Variants in GALNT13 observed in about 807,000 individuals in gnomAD.
The protein encoded by GALNT13 is UDP-GalNAc:polypeptide N-acetylgalactosaminyltransferase 13.
In GALNT13, 28 loss-of-function variants were observed where a neutral mutation model predicts 64.2. The observed-to-expected ratio is 0.44, with a 90% CI of 0.32 to 0.60. GALNT13 has a LOEUF of 0.60. GALNT13 is among the 20% of genes least tolerant of loss of function. The pLI is 0.05. For missense variants in GALNT13, 577 were observed against 669.8 expected, an observed-to-expected ratio of 0.86 and a Z score of 1.53; for synonymous variants, 214 against 224.6, an observed-to-expected ratio of 0.95 and a Z score of 0.42.
the GALNT13 span, among the ~76,000 whole-genome samples, chr2:153,525,690 A>G: frequency 6.6e-6 from 1 of 152,164 alleles, no homozygotes; most frequent in Non-Finnish European, 1.5e-5. Context: ...GTTCCATGAA[A>G]CATCCCTAGT....
At chr2:154,447,744 C>A (rs773210417) in intron 12 of GALNT13, among the ~76,000 whole-genome samples, 4 of 151,834 alleles carry the variant, frequency 2.6e-5, no homozygotes, top group Non-Finnish European at 5.9e-5. Context: ...TATATTCAAG[C>A]CAAAGACATT....
intron 3 of GALNT13, among the ~76,000 whole-genome samples, chr2:154,074,023 G>C (rs994419670): frequency 3.3e-5 from 5 of 151,770 alleles, no homozygotes; most frequent in African/African-American, 1.2e-4. Context: ...AATATTTTAT[G>C]TATATTAATG....
intron 2 of GALNT13, among the ~76,000 whole-genome samples, chr2:153,906,909 T>C (rs1365624329): frequency 6.6e-6 from 1 of 150,414 alleles, no homozygotes; most frequent in South Asian, 2.1e-4. Flanking sequence ...CAGCACCTGT[T>C]GTTTCCTGAC....
At chr2:153,188,704 A>G in the GALNT13 span, among the ~76,000 whole-genome samples, 2 of 152,162 alleles carry the variant, frequency 1.3e-5, no homozygotes, top group South Asian at 2.1e-4. Context: ...TGGATAGCAG[A>G]GAGAGGCCAG....
At chr2:153,093,236 C>T in the GALNT13 span, among the ~76,000 whole-genome samples, 14 of 128,986 alleles carry the variant, frequency 1.1e-4, no homozygotes, top group South Asian at 2.5e-4. Flanking sequence ...TTTTTCTTTT[C>T]TTTTCTTTTT....
At chr2:154,425,250 A>C (rs1212313283) in intron 11 of GALNT13, among the ~76,000 whole-genome samples, 4 of 152,226 alleles carry the variant, frequency 2.6e-5, no homozygotes, top group African/African-American at 9.6e-5. Context: ...ATGAAATGTT[A>C]CAAAAACACC....
At chr2:153,606,237 G>A in the GALNT13 span, among the ~76,000 whole-genome samples, 3 of 151,936 alleles carry the variant, frequency 2.0e-5, no homozygotes, top group Non-Finnish European at 2.9e-5. Context: ...GTGTACATAC[G>A]TATATACACA....
At chr2:153,477,450 G>C in the GALNT13 span, 1 of 152,540 alleles carries the variant, frequency 6.6e-6, no homozygotes, top group South Asian at 2.1e-4. Flanking sequence ...GTGCAGTCAC[G>C]AGCTACGAGT....
intron 2 of GALNT13, among the ~76,000 whole-genome samples, chr2:153,921,830 T>C (rs1471960209): frequency 6.6e-6 from 1 of 151,894 alleles, no homozygotes; most frequent in African/African-American, 2.4e-5. Flanking sequence ...GCAGAGCCAA[T>C]TAAAAACTGA....
At chr2:153,325,124 T>G in the GALNT13 span, among the ~76,000 whole-genome samples, 3 of 144,898 alleles carry the variant, frequency 2.1e-5, no homozygotes, top group Non-Finnish European at 4.5e-5. Flanking sequence ...GTTTTTTTTT[T>G]TTTTTTTTTT....
At chr2:153,569,514 T>C in the GALNT13 span, among the ~76,000 whole-genome samples, 1 of 71,836 alleles carries the variant, frequency 1.4e-5, no homozygotes, top group South Asian at 3.0e-4. Flanking sequence ...TTCCTTTTTA[T>C]TCTTTTTTTT....
At chr2:154,343,276 C>G (rs1246225871) in intron 9 of GALNT13, among the ~76,000 whole-genome samples, 1 of 151,960 alleles carries the variant, frequency 6.6e-6, no homozygotes, top group Non-Finnish European at 1.5e-5. Flanking sequence ...GGAATTGTTA[C>G]CTGCCTCAAG....
the GALNT13 span, among the ~76,000 whole-genome samples, chr2:153,703,174 G>C: frequency 6.6e-6 from 1 of 152,112 alleles, no homozygotes; most frequent in Non-Finnish European, 1.5e-5. Context: ...GTATGAAATG[G>C]TCTGAGTTAA....
chr2:153,290,851 T>C, the GALNT13 span, among the ~76,000 whole-genome samples: 4 of 152,190 alleles, frequency 2.6e-5, no homozygotes, highest in African/African-American at 9.7e-5. Context: ...TATTCAGTGT[T>C]GCCCATTTGT....
At chr2:153,565,355 T>G in the GALNT13 span, among the ~76,000 whole-genome samples, 1 of 152,158 alleles carries the variant, frequency 6.6e-6, no homozygotes, top group African/African-American at 2.4e-5. Context: ...CCAAATACGT[T>G]AAAAAATGAC....
the GALNT13 span, among the ~76,000 whole-genome samples, chr2:153,594,320 A>G: frequency 6.6e-6 from 1 of 152,142 alleles, no homozygotes; most frequent in Admixed American, 6.5e-5. Flanking sequence ...TTACATTTTG[A>G]TTAAAAATTC....
At chr2:154,230,673 T>G (rs1688866701) in intron 4 of GALNT13, among the ~76,000 whole-genome samples, 1 of 152,100 alleles carries the variant, frequency 6.6e-6, no homozygotes, top group Non-Finnish European at 1.5e-5. Context: ...ATTCATGACA[T>G]TTTATTTTTA....
At chr2:153,229,209 C>A in the GALNT13 span, among the ~76,000 whole-genome samples, 1 of 152,256 alleles carries the variant, frequency 6.6e-6, no homozygotes, top group Admixed American at 6.5e-5. Flanking sequence ...AGCTTTATAC[C>A]AGAAATGTCA....
the GALNT13 span, among the ~76,000 whole-genome samples, chr2:153,243,409 A>C: frequency 6.6e-6 from 1 of 152,082 alleles, no homozygotes; most frequent in African/African-American, 2.4e-5. Flanking sequence ...TGCTGAAAGC[A>C]GTCAGACCTT....
Sources: allele counts gnomAD v4.1 joint callset (sites outside exome capture counted in the v4.1 genomes callset), GRCh38; gene constraint gnomAD v4.1.1; transcripts MANE v1.5; gene names NCBI Gene and HGNC (gene_info 2026-07-23, HGNC 2026-07-21).